Variants in FAM81A observed in about 807,000 individuals in gnomAD.
FAM81A encodes family with sequence similarity 81 member A, also known as protein FAM81A.
In FAM81A, 19 loss-of-function variants were observed where a neutral mutation model predicts 46.7. The ratio of observed to expected loss-of-function variants is 0.41; its 90% CI spans 0.28 to 0.60. The LOEUF (loss-of-function observed/expected upper bound fraction) is 0.60, where lower values mean the gene tolerates loss of function less well. Ranked by LOEUF, FAM81A falls within the 20% of genes least tolerant of loss-of-function variation. The pLI, the probability that FAM81A is intolerant of heterozygous loss-of-function variation, is 0.34. For missense variants in FAM81A, 377 were observed against 453.5 expected, an observed-to-expected ratio of 0.83 and a Z score of 1.53; for synonymous variants, 183 against 152.9, an observed-to-expected ratio of 1.20 and a Z score of -1.45.
chr15:59,507,204 T>C lies in FAM81A; in HGVS notation c.414-9T>C, dbSNP rs199823868. 1.7e-5 allele frequency: 27 copies of C among 1,607,848 alleles called. 1 individual carries two copies. The East Asian group carries it at 6.0e-4, about 36-fold the overall frequency. ...TAATAAGAATCAGCTTTGTTCTTTG[T>C]CTGGACAGATGTGATGCCAGCATAG... On this transcript the variant is annotated splice_polypyrimidine_tract_variant and intron_variant, in intron 4 of 8. Transcript: ENST00000288228.
chr15:59,518,099 A>T (rs1342935890), intron 8 of FAM81A, among the ~76,000 whole-genome samples: 1 of 149,858 alleles, frequency 6.7e-6, no homozygotes, highest in Non-Finnish European at 1.5e-5. Flanking sequence ...CAGCCTCCTG[A>T]GTAGCTGGGA....
At chr15:59,514,913 C>G (rs549115373) in intron 7 of FAM81A, among the ~76,000 whole-genome samples, 2 of 152,290 alleles carry the variant, frequency 1.3e-5, no homozygotes, top group African/African-American at 4.8e-5. Context: ...CAGTCTCTCA[C>G]AGAGCTAAGG....
At chr15:59,518,941 GTC>G (rs1374923056) in intron 8 of FAM81A, among the ~76,000 whole-genome samples, 7 of 112,842 alleles carry the variant, frequency 6.2e-5, no homozygotes, top group East Asian at 2.3e-4. Flanking sequence ...GTGTGTGTGT[GTC>G]TGTGTGTGTG....
At chr15:59,501,408 G>A (rs112916860) in intron 4 of FAM81A, among the ~76,000 whole-genome samples, 4,136 of 152,202 alleles carry the variant, frequency 0.027, 84 homozygotes, top group Non-Finnish European at 0.041. Context: ...GACATAAATT[G>A]TCGTATAGTC....
intron 3 of FAM81A, among the ~76,000 whole-genome samples, chr15:59,491,735 A>G (rs2081983756): frequency 6.6e-6 from 1 of 152,212 alleles, no homozygotes; most frequent in African/African-American, 2.4e-5. Context: ...ACCTGATGTC[A>G]GGAATTCAAG....
chr15:59,479,519 G>GAAAAAAAAAAAAAA (rs57107735), intron 3 of FAM81A, among the ~76,000 whole-genome samples: 19 of 72,678 alleles, frequency 2.6e-4, no homozygotes, highest in East Asian at 4.2e-4. Flanking sequence ...TCAAAAATAA[G>GAAAAAAAAAAAAAA]AAAAAAAAAA....
chr15:59,468,058 C>T (rs1036896908), intron 3 of FAM81A, among the ~76,000 whole-genome samples: 1 of 152,088 alleles, frequency 6.6e-6, no homozygotes, highest in Admixed American at 6.5e-5. Context: ...AGGGATGAAG[C>T]CAACTTGATC....
upstream of FAM81A, among the ~76,000 whole-genome samples, chr15:59,435,709 G>A (rs547674153): frequency 1.3e-5 from 2 of 152,098 alleles, no homozygotes; most frequent in Non-Finnish European, 2.9e-5. Context: ...TTTGTAAATA[G>A]TATTACAGCC....
chr15:59,495,376 T>C (rs2082022610), intron 4 of FAM81A, among the ~76,000 whole-genome samples: 1 of 152,264 alleles, frequency 6.6e-6, no homozygotes, highest in Admixed American at 6.5e-5. Flanking sequence ...TTGTTATGGC[T>C]GCATAGTACC....
intron 4 of FAM81A, among the ~76,000 whole-genome samples, chr15:59,496,699 T>A (rs1360394806): frequency 2.0e-5 from 3 of 152,240 alleles, no homozygotes; most frequent in Admixed American, 2.0e-4. Flanking sequence ...TATTTTCTTA[T>A]GCTGGTACCA....
chr15:59,470,317 C>G (rs1212028888), intron 3 of FAM81A, among the ~76,000 whole-genome samples: 1 of 152,162 alleles, frequency 6.6e-6, no homozygotes, highest in African/African-American at 2.4e-5. Context: ...TGGTTCCATT[C>G]TCCCCATCAC....
chr15:59,442,264 A>G (rs2081306312), intron 1 of FAM81A, among the ~76,000 whole-genome samples: 1 of 152,162 alleles, frequency 6.6e-6, no homozygotes, highest in Non-Finnish European at 1.5e-5. Flanking sequence ...GGCTTCTGTA[A>G]TCATTTTTCC....
intron 4 of FAM81A, among the ~76,000 whole-genome samples, chr15:59,506,814 A>G (rs2082154187): frequency 6.6e-6 from 1 of 152,218 alleles, no homozygotes; most frequent in African/African-American, 2.4e-5. Flanking sequence ...GTTTAGAAGT[A>G]ATATTTTCTA....
chr15:59,520,675 C>G (rs2082318593), intron 8 of FAM81A, among the ~76,000 whole-genome samples: 1 of 151,652 alleles, frequency 6.6e-6, no homozygotes, highest in Non-Finnish European at 1.5e-5. Context: ...GCAATTCTCC[C>G]TGCCTCAGCC....
chr15:59,429,005 T>G (rs1218423370), intron 2 of FAM81A, among the ~76,000 whole-genome samples: 1 of 152,196 alleles, frequency 6.6e-6, no homozygotes, highest in African/African-American at 2.4e-5. Context: ...AGGGTGCATA[T>G]GAGGTACATT....
At chr15:59,466,014 C>T (rs1316199154) in intron 3 of FAM81A, among the ~76,000 whole-genome samples, 1 of 152,128 alleles carries the variant, frequency 6.6e-6, no homozygotes, top group Non-Finnish European at 1.5e-5. Flanking sequence ...CAGCCTGATC[C>T]GTGTCCCTGC....
chr15:59,477,790 G>T (rs920549833), intron 3 of FAM81A, among the ~76,000 whole-genome samples: 1 of 152,120 alleles, frequency 6.6e-6, no homozygotes, highest in Non-Finnish European at 1.5e-5. Context: ...GATGACTCTT[G>T]TATACTAATA....
At chr15:59,518,509 A>G (rs1212775624) in intron 8 of FAM81A, among the ~76,000 whole-genome samples, 1 of 151,926 alleles carries the variant, frequency 6.6e-6, no homozygotes, top group Non-Finnish European at 1.5e-5. Context: ...AAATTTTTTT[A>G]GAGATGGGTC....
Position 59,398,760 on chromosome 15 carries a change from A to G in FAM81A, c.-160-3516A>G, listed in dbSNP as rs1179571496. 4.3e-3 allele frequency among the ~76,000 whole-genome samples: 167 copies of G among 39,188 alleles called. 1 individual carries two copies. The highest frequency in any genetic ancestry group is 0.011 in the African/African-American group (156 of 14,650). The allele number at this position is 39,188 out of a possible 152,430, so 25.7% of individuals were successfully genotyped here. ...GCAACAGAGTGAGACTCTGTCTCAG[A>G]AAAAAAAAAAAAAAAAAAAAAAAAA... On this transcript the variant is annotated intron_variant, in intron 1 of 4. Coordinates refer to the FAM81A transcript ENST00000558348.
Sources: gnomAD v4.1 joint callset for allele counts (sites outside exome capture counted in the v4.1 genomes callset) on GRCh38, gnomAD v4.1.1 for gene constraint, MANE v1.5 for transcripts, NCBI Gene and HGNC (gene_info 2026-07-23, HGNC 2026-07-21) for gene names.